Variants in SMYD3 observed in about 807,000 individuals in gnomAD.
SMYD3 encodes the protein histone-lysine N-methyltransferase SMYD3.
In SMYD3, 36 loss-of-function variants were observed where a neutral mutation model predicts 57.7. The observed-to-expected ratio is 0.62, with a 90% CI of 0.48 to 0.82. The LOEUF (loss-of-function observed/expected upper bound fraction) is 0.82, where lower values mean the gene tolerates loss of function less well. Among genes scored for constraint, SMYD3 ranks in the 40% least tolerant of loss-of-function variants. The pLI is 0.00. For synonymous variants in SMYD3, 211 were observed against 195.0 expected, an observed-to-expected ratio of 1.08 and a Z score of -0.68; for missense variants, 515 against 538.8, an observed-to-expected ratio of 0.96 and a Z score of 0.44.
chr1:246,014,341 G>T (rs565639768), intron 5 of SMYD3, among the ~76,000 whole-genome samples: 10 of 152,214 alleles, frequency 6.6e-5, no homozygotes, highest in African/African-American at 2.4e-4. Context: ...AAATAAAAAA[G>T]TGAGTATCTG....
chr1:246,475,101 G>A (rs1201047129), intron 1 of SMYD3, among the ~76,000 whole-genome samples: 1 of 152,128 alleles, frequency 6.6e-6, no homozygotes, highest in Admixed American at 6.6e-5. Context: ...TGGATCACCT[G>A]TGGCCAGGAG....
intron 1 of SMYD3, among the ~76,000 whole-genome samples, chr1:246,476,362 G>T (rs915741701): frequency 2.1e-4 from 32 of 152,300 alleles, no homozygotes; most frequent in Admixed American, 2.1e-3. Context: ...ACGCCTCTAT[G>T]CCTCTCGGGC....
intron 5 of SMYD3, among the ~76,000 whole-genome samples, chr1:246,088,402 G>A (rs1042664424): frequency 6.6e-6 from 1 of 151,130 alleles, no homozygotes; most frequent in African/African-American, 2.5e-5. Flanking sequence ...GAGGTCAGGA[G>A]ATCGAGACCA....
intron 8 of SMYD3, among the ~76,000 whole-genome samples, chr1:245,874,264 ATTTGTATG>A (rs1180573233): frequency 6.6e-6 from 1 of 152,176 alleles, no homozygotes; most frequent in Non-Finnish European, 1.5e-5. Flanking sequence ...TCCCTCTAAC[ATTTGTATG>A]TATAATGATT....
chr1:246,084,876 C>G (rs1299516204), intron 5 of SMYD3, among the ~76,000 whole-genome samples: 1 of 152,086 alleles, frequency 6.6e-6, no homozygotes, highest in African/African-American at 2.4e-5. Flanking sequence ...AACAAAAAAT[C>G]TAGTAAATAA....
At chr1:246,023,570 T>C (rs1376536186) in intron 5 of SMYD3, among the ~76,000 whole-genome samples, 2 of 152,226 alleles carry the variant, frequency 1.3e-5, no homozygotes, top group Non-Finnish European at 2.9e-5. Context: ...TTTTGTACTT[T>C]TCACAGTGTA....
At chr1:246,473,769 C>A (rs1033545436) in intron 1 of SMYD3, among the ~76,000 whole-genome samples, 1 of 152,112 alleles carries the variant, frequency 6.6e-6, no homozygotes, top group African/African-American at 2.4e-5. Context: ...CGAGGGGGTA[C>A]CACTCCTCCA....
intron 5 of SMYD3, among the ~76,000 whole-genome samples, chr1:246,016,819 T>C (rs1053886958): frequency 6.6e-6 from 1 of 151,980 alleles, no homozygotes; most frequent in Non-Finnish European, 1.5e-5. Flanking sequence ...GAGAATAAAA[T>C]AGACATTGGA....
At chr1:246,008,292 G>A (rs61541583) in intron 5 of SMYD3, among the ~76,000 whole-genome samples, 12 of 152,180 alleles carry the variant, frequency 7.9e-5, no homozygotes, top group East Asian at 1.9e-4. Flanking sequence ...CGCACAGAGC[G>A]GTGTTGGAGA....
Position 246,022,634 on chromosome 1 carries a change from C to T in SMYD3, c.532-92697G>A, listed in dbSNP as rs1272721744. Among the ~76,000 whole-genome samples the T allele has an allele frequency of 2.0e-5, 3 of 152,182 alleles. No homozygotes were observed. The East Asian group carries it at 5.8e-4, about 29-fold the overall frequency. On this transcript the variant is annotated intron_variant, in intron 5 of 11. Coordinates refer to ENST00000490107, the MANE Select transcript of SMYD3 (RefSeq NM_001167740.2). ...AAAAAGATAGGGCTGTATCTATCAG[C>T]GTAGAAAGATGGCCTGTGTCATTGT...
intron 1 of SMYD3, among the ~76,000 whole-genome samples, chr1:246,424,767 T>C (rs1160208866): frequency 6.6e-6 from 1 of 152,228 alleles, no homozygotes; most frequent in South Asian, 2.1e-4. Context: ...GTTGAGGATT[T>C]GTAAAAAGAA....
intron 10 of SMYD3, among the ~76,000 whole-genome samples, chr1:245,807,835 C>CA (rs1487913276): frequency 3.6e-5 from 5 of 139,122 alleles, no homozygotes; most frequent in East Asian, 2.1e-4. Flanking sequence ...AAACAAAAAA[C>CA]AAAAAAACAG....
At chr1:246,377,464 G>C (rs2066298984) in intron 1 of SMYD3, among the ~76,000 whole-genome samples, 2 of 151,472 alleles carry the variant, frequency 1.3e-5, no homozygotes, top group African/African-American at 4.9e-5. Context: ...CCGCCTCCCG[G>C]GTTCAAGCGA....
intron 5 of SMYD3, among the ~76,000 whole-genome samples, chr1:246,227,872 G>T (rs775187959): frequency 6.6e-6 from 1 of 150,764 alleles, no homozygotes; most frequent in Non-Finnish European, 1.5e-5. Context: ...AAAAATCTGT[G>T]ATAAATATTT....
At chr1:246,363,843 T>C (rs1204244897) in intron 1 of SMYD3, among the ~76,000 whole-genome samples, 1 of 152,118 alleles carries the variant, frequency 6.6e-6, no homozygotes, top group East Asian at 1.9e-4. Context: ...CTTGTTTATC[T>C]GCTGACCTTC....
chr1:246,046,817 G>A (rs1185940651), intron 5 of SMYD3, among the ~76,000 whole-genome samples: 1 of 151,344 alleles, frequency 6.6e-6, no homozygotes, highest in Non-Finnish European at 1.5e-5. Flanking sequence ...ATACAAAGAT[G>A]TAAGACAAAT....
chr1:246,309,648 T>A (rs2065042052), intron 5 of SMYD3, among the ~76,000 whole-genome samples: 1 of 152,176 alleles, frequency 6.6e-6, no homozygotes, highest in Non-Finnish European at 1.5e-5. Context: ...TATTTATCAA[T>A]GAAATGCTCC....
intron 11 of SMYD3, among the ~76,000 whole-genome samples, chr1:245,752,162 C>T (rs2045413105): frequency 6.6e-6 from 1 of 152,222 alleles, no homozygotes. Flanking sequence ...TAGATGTTCT[C>T]TTCCCTTTTA....
intron 5 of SMYD3, among the ~76,000 whole-genome samples, chr1:246,198,977 A>G (rs969296327): frequency 3.9e-5 from 6 of 152,132 alleles, no homozygotes; most frequent in Non-Finnish European, 8.8e-5. Flanking sequence ...TATAATTTCA[A>G]CTTCTATTTT....
Sources: gnomAD v4.1 joint callset for allele counts (sites outside exome capture counted in the v4.1 genomes callset) on GRCh38, gnomAD v4.1.1 for gene constraint, MANE v1.5 for transcripts, NCBI Gene and HGNC (gene_info 2026-07-23, HGNC 2026-07-21) for gene names.